WAPL: variants seen among roughly 807,000 people sequenced by gnomAD.
The protein encoded by WAPL is wings apart-like protein homolog.
Under a neutral mutation model 121.0 loss-of-function variants are expected in WAPL, and 5 were observed. The observed-to-expected ratio is 0.04, with a 90% CI of 0.02 to 0.09. The LOEUF is 0.09. WAPL is among the 10% of genes least tolerant of loss of function. The probability of loss-of-function intolerance (pLI) is 1.00; values close to 1 mark genes in which losing one functional copy is unlikely to be tolerated. For missense variants in WAPL, 999 were observed against 1,410.8 expected (o/e 0.71, Z 4.68); for synonymous variants, 480 against 481.5 (o/e 1.00, Z 0.04).
chr10:86,504,262 G>T (rs1206706243), intron 2 of WAPL, among the ~76,000 whole-genome samples: 1 of 150,716 alleles, frequency 6.6e-6, no homozygotes, highest in Non-Finnish European at 1.5e-5. Context: ...ACTTATGAAG[G>T]ATACTCAATT....
chr10:86,454,930 G>A (rs1229266096), intron 12 of WAPL, among the ~76,000 whole-genome samples: 15 of 145,464 alleles, frequency 1.0e-4, no homozygotes, highest in South Asian at 4.6e-4. Context: ...CGGCCACCCC[G>A]TCTGAGAAGT....
intron 15 of WAPL, among the ~76,000 whole-genome samples, chr10:86,451,313 G>C (rs561682056): frequency 1.3e-5 from 2 of 150,700 alleles, no homozygotes; most frequent in Middle Eastern, 3.4e-3. Flanking sequence ...TATAACAGTC[G>C]AAAAAAAATC....
chr10:86,454,217 C>T (rs532971778), intron 12 of WAPL, among the ~76,000 whole-genome samples: 22 of 152,300 alleles, frequency 1.4e-4, no homozygotes, highest in East Asian at 9.6e-4. Flanking sequence ...ATATTTCATA[C>T]GCATTAGAGC....
intron 4 of WAPL, among the ~76,000 whole-genome samples, chr10:86,481,087 A>T (rs1841772489): frequency 6.6e-6 from 1 of 152,216 alleles, no homozygotes. Flanking sequence ...ACAAATAATA[A>T]CAGGACATGC....
intron 4 of WAPL, among the ~76,000 whole-genome samples, chr10:86,485,805 G>T (rs1841918272): frequency 6.6e-6 from 1 of 152,070 alleles, no homozygotes; most frequent in African/African-American, 2.4e-5. Flanking sequence ...AATTCCAGTA[G>T]GAAAAAACAA....
In WAPL at chr10:86,435,644, T is replaced by C. The variant is rs1849300994; in HGVS notation, c.*1899A>G. The C allele has an allele frequency of 1.3e-5, 2 of 152,406 alleles. No individual in the cohort carries two copies. The highest frequency in any genetic ancestry group is 4.8e-5 in the African/African-American group (2 of 41,360). 9.4% of individuals were successfully genotyped at this position (152,406 alleles called of 1,614,324 possible). Reference sequence around the variant, plus strand: ...ATCTCTATCAGTGCTCGACAATTAGTTATTATTTAAAAAACAAAACAAAAC... The same window carrying C: ...ATCTCTATCAGTGCTCGACAATTAGCTATTATTTAAAAAACAAAACAAAAC... On this transcript the variant is annotated 3_prime_UTR_variant, in exon 19 of 19. Transcript: ENST00000298767.
At chr10:86,468,519 T>C (rs952455188) in intron 8 of WAPL, among the ~76,000 whole-genome samples, 15 of 152,226 alleles carry the variant, frequency 9.9e-5, no homozygotes, top group Middle Eastern at 3.4e-3. Flanking sequence ...ATACAGCAGA[T>C]AGTCATATTT....
chr10:86,460,753 G>A lies in WAPL; in HGVS notation c.2483-257C>T, dbSNP rs536945550. Among the ~76,000 whole-genome samples, 129 of 149,774 alleles carry A rather than the reference G, an allele frequency of 8.6e-4. 1 individual carries two copies. Among genetic ancestry groups the A allele is most frequent in the African/African-American group, 3.1e-3 (125 of 40,670 alleles). On this transcript the variant is annotated intron_variant, in intron 10 of 18. Coordinates refer to ENST00000298767, the MANE Select transcript of WAPL (RefSeq NM_015045.5). ...TTTGAGATGGAGTTTCGCTCTTGTT[G>A]CCCAGGCTGGAGTGCAATGGCACAA... is the stretch of plus-strand genomic sequence containing the variant.
At chr10:86,510,959 TG>T (rs936681678) in intron 2 of WAPL, among the ~76,000 whole-genome samples, 1 of 151,552 alleles carries the variant, frequency 6.6e-6, no homozygotes, top group Admixed American at 6.6e-5. Context: ...CCCAAGTAGC[TG>T]GAACTACGGG....
chr10:86,501,478 GTAT>G (rs1337726759), intron 2 of WAPL, among the ~76,000 whole-genome samples: 1 of 151,978 alleles, frequency 6.6e-6, no homozygotes, highest in Non-Finnish European at 1.5e-5. Flanking sequence ...ATTCCAACTG[GTAT>G]TATTAATTCC....
intron 13 of WAPL, 123 bp downstream of exon 13, chr10:86,453,533 G>C: frequency 1.6e-6 from 2 of 1,264,080 alleles, no homozygotes; most frequent in Non-Finnish European, 2.2e-6. Context: ...CTACACATGA[G>C]TAAGTCAAGT....
intron 2 of WAPL, 89 bp from the exon 3 acceptor site, chr10:86,500,832 G>T: frequency 9.2e-7 from 1 of 1,087,802 alleles, no homozygotes; most frequent in Non-Finnish European, 1.3e-6. Context: ...AATAGTATAT[G>T]ATCAATCTTG....
At chr10:86,493,132 A>G (rs1214417262) in intron 4 of WAPL, among the ~76,000 whole-genome samples, 2 of 151,944 alleles carry the variant, frequency 1.3e-5, no homozygotes, top group Non-Finnish European at 2.9e-5. Flanking sequence ...ACTAAGAGAG[A>G]CATAACTAAA....
At chr10:86,453,619 C>T (rs755685569) in intron 13 of WAPL, 37 bp downstream of exon 13, 11 of 1,571,672 alleles carry the variant, frequency 7.0e-6, no homozygotes, top group Non-Finnish European at 9.5e-6. Flanking sequence ...ATGCAATATA[C>T]ATCTTTCAAT....
chr10:86,448,273 T>C (rs1022490641), intron 15 of WAPL, among the ~76,000 whole-genome samples: 2 of 151,946 alleles, frequency 1.3e-5, no homozygotes, highest in Non-Finnish European at 2.9e-5. Context: ...GTGCAAGAGT[T>C]TGAGACCTCA....
intron 4 of WAPL, among the ~76,000 whole-genome samples, chr10:86,489,309 T>C (rs1432437386): frequency 6.6e-6 from 1 of 152,148 alleles, no homozygotes; most frequent in Non-Finnish European, 1.5e-5. Flanking sequence ...ATAAAGAACA[T>C]TACTGGGACA....
intron 16 of WAPL, among the ~76,000 whole-genome samples, chr10:86,445,571 G>A (rs1849595447): frequency 6.6e-6 from 1 of 151,764 alleles, no homozygotes; most frequent in South Asian, 2.1e-4. Flanking sequence ...GTCACCCAGG[G>A]TGGAGGGCAG....
At chr10:86,478,390 C>G (rs1841707470) in intron 4 of WAPL, among the ~76,000 whole-genome samples, 1 of 152,102 alleles carries the variant, frequency 6.6e-6, no homozygotes, top group South Asian at 2.1e-4. Context: ...CAAGATCACA[C>G]CACTGCACTC....
intron 2 of WAPL, among the ~76,000 whole-genome samples, chr10:86,501,893 C>T (rs1039850345): frequency 1.3e-4 from 20 of 152,174 alleles, no homozygotes; most frequent in African/African-American, 4.3e-4. Flanking sequence ...GGTCACACTA[C>T]GGTGCCTAGG....
Sources: gnomAD v4.1 joint callset for allele counts (sites outside exome capture counted in the v4.1 genomes callset) on GRCh38, gnomAD v4.1.1 for gene constraint, MANE v1.5 for transcripts, NCBI Gene and HGNC (gene_info 2026-07-23, HGNC 2026-07-21) for gene names.